ZNF835: variants seen among roughly 807,000 people sequenced by gnomAD.
The protein encoded by ZNF835 is zinc finger protein 835.
For synonymous variants in ZNF835, 323 were observed against 324.7 expected (o/e 0.99, Z 0.06); for missense variants, 783 against 758.4 (o/e 1.03, Z -0.38).
chr19:56,662,073 T>C lies in ZNF835; in HGVS notation c.*1512A>G, dbSNP rs967229834. ...TCACCCTTCCCTGGGACCACATGCT[T>C]AGGAAGGCTCTTCCTGTGCTGATCC... On this transcript the variant is annotated 3_prime_UTR_variant, in exon 2 of 2. Coordinates refer to ENST00000537055, the MANE Select transcript of ZNF835 (RefSeq NM_001005850.3). 9.2e-5 allele frequency: 14 copies of C among 152,282 alleles called. No individual in the cohort carries two copies. The highest frequency in any genetic ancestry group is 3.4e-4 in the African/African-American group (14 of 41,546). 9.4% of individuals were successfully genotyped at this position (152,282 alleles called of 1,614,324 possible). A position where few individuals can be genotyped will look rare whatever the true frequency, so the allele number is the denominator to read the frequency against.
In ZNF835 at chr19:56,665,057, C is replaced by A. The variant is rs758149661; in HGVS notation, c.142G>T (p.Gly48Trp). 6.2e-7 allele frequency: 1 copy of A among 1,614,020 alleles called. No homozygotes were observed. The highest frequency in any genetic ancestry group is 1.1e-5 in the South Asian group (1 of 91,088). Reference sequence around the variant, plus strand: ...TCATCGCGTTCCTGCATGCTGTCCCCAGCAGGGTCTCCCTTGCAGGCCACG... The same window carrying A: ...TCATCGCGTTCCTGCATGCTGTCCCAAGCAGGGTCTCCCTTGCAGGCCACG... ...EAVACKGDPA[G>W]DSMQERDEFS... The change falls in exon 2 of 2, where the codon GGG (glycine) becomes TGG (tryptophan). Residue 48 changes from glycine to tryptophan, a missense_variant. Coordinates refer to ENST00000537055, the MANE Select transcript of ZNF835 (RefSeq NM_001005850.3).
At position 56,664,326 on chromosome 19, in the gene ZNF835, C is replaced by T. The variant is rs1324601217; in HGVS notation, c.873G>A (p.Ala291=). Residue 291 remains alanine (A), a synonymous_variant, in exon 2 of 2, where the codon GCG becomes GCA. Transcript: ENST00000537055. The part of the protein sequence containing the change: ...GQCAKAFAQI[A]HLTQHRRVHT... ...GCACGCGCCGGTGCTGGGTCAGGTG[C>T]GCGATCTGCGCGAAGGCCTTGGCGC... The T allele has an allele frequency of 1.9e-6, 3 of 1,604,328 alleles. No individual in the cohort carries two copies. The highest frequency in any genetic ancestry group is 3.4e-5 in the Admixed American group (2 of 58,050).
chr19:56,665,486 T>G lies in ZNF835; in HGVS notation c.-47-241A>C, dbSNP rs115289570. On this transcript the variant is annotated intron_variant, in intron 1 of 1. Transcript: ENST00000537055. ...ACACTACCCCTCAACCCCTGAGTTG[T>G]AACAATGAAAAATGTCTCCAGGCCG... The G allele has an allele frequency of 2.6e-3, 1,746 of 662,650 alleles. 29 individuals carry two copies. The African/African-American group carries it at 0.028, about 10-fold the overall frequency. The allele number at this position is 662,650 out of a possible 1,614,324, so 41.0% of individuals were successfully genotyped here.
intron 1 of ZNF835, among the ~76,000 whole-genome samples, chr19:56,667,552 C>T (rs1374012670): frequency 6.6e-6 from 1 of 152,236 alleles, no homozygotes; most frequent in African/African-American, 2.4e-5. Context: ...TATGTGTGGG[C>T]TCAGCCCCTC....
chr19:56,665,064 G>A lies in ZNF835; in HGVS notation c.135C>T (p.Asp45=), dbSNP rs1328224653. 1.2e-6 allele frequency: 2 copies of A among 1,613,872 alleles called. No individual in the cohort carries two copies. Among genetic ancestry groups the A allele is most frequent in the Non-Finnish European group, 1.7e-6 (2 of 1,179,902 alleles). The change falls in exon 2 of 2, where the codon GAC becomes GAT. Residue 45 remains aspartate (D), a synonymous_variant. Coordinates refer to ENST00000537055, the MANE Select transcript of ZNF835 (RefSeq NM_001005850.3). ...PEPEAVACKG[D]PAGDSMQERD... is the part of the protein sequence containing the mutation. ...GTTCCTGCATGCTGTCCCCAGCAGG[G>A]TCTCCCTTGCAGGCCACGGCCTCTG...
chr19:56,663,288 T>C lies in ZNF835; in HGVS notation c.*297A>G. The stretch of plus-strand genomic sequence containing the variant: ...GAGCCGAGATCGCTCCACTGCACTC[T>C]AGCCTGGGTGACAGAGAGAGACACT... On this transcript the variant is annotated 3_prime_UTR_variant, in exon 2 of 2. Coordinates refer to ENST00000537055, the MANE Select transcript of ZNF835 (RefSeq NM_001005850.3). 1 of 447,060 alleles carries C rather than the reference T, an allele frequency of 2.2e-6. No homozygotes were observed. Among genetic ancestry groups the C allele is most frequent in the Non-Finnish European group, 4.0e-6 (1 of 247,258 alleles). 27.7% of individuals were successfully genotyped at this position (447,060 alleles called of 1,614,324 possible). A position where few individuals can be genotyped will look rare whatever the true frequency, so the allele number is the denominator to read the frequency against.
At position 56,663,682 on chromosome 19, in the gene ZNF835, G is replaced by C; in HGVS notation, c.1517C>G (p.Ala506Gly). Residue 506 changes from alanine (A) to glycine (G), a missense_variant, in exon 2 of 2, where the codon GCT becomes GGT. By Grantham distance (60) the Ala-to-Gly change is moderately conservative. Transcript: ENST00000537055. ...HADSSGRLCPAPTPDSTPGLS... is the reference protein window; with the variant it reads ...HADSSGRLCPGPTPDSTPGLS... ...CCCAGGTGTTGAGTCAGGCGTGGGA[G>C]CTGGGCAAAGGCGTCCCGAACTGTC... The C allele has an allele frequency of 6.2e-7, 1 of 1,614,054 alleles. No homozygotes were observed.
In ZNF835 at chr19:56,664,719, G is replaced by C; in HGVS notation, c.480C>G (p.His160Gln). Residue 160 changes from histidine to glutamine, a missense_variant, in exon 2 of 2, where the codon CAC (histidine) becomes CAG (glutamine). By Grantham distance (24) the His-to-Gln change is conservative. Coordinates refer to ENST00000537055, the MANE Select transcript of ZNF835 (RefSeq NM_001005850.3). ...GGCAGGCGTAGGGCTTCTCGCCCGT[G>C]TGCGTGCGCTGGTGCAGGGTCAGGT... ...SVHLTLHQRT[H>Q]TGEKPYACHE... The C allele has an allele frequency of 6.2e-7, 1 of 1,611,596 alleles. No individual in the cohort carries two copies.
At position 56,662,096 on chromosome 19, in the gene ZNF835, TC is replaced by T. The variant is rs2045191726; in HGVS notation, c.*1488del. On this transcript the variant is annotated 3_prime_UTR_variant, in exon 2 of 2. Transcript: ENST00000537055. ...CTTAGGAAGGCTCTTCCTGTGCTGA[TC>T]CTAGGCTTGGCTAGGAGGCTTGCTT... 6.6e-6 allele frequency: 1 copy of T among 152,210 alleles called. No homozygotes were observed. Among genetic ancestry groups the T allele is most frequent in the Non-Finnish European group, 1.5e-5 (1 of 68,040 alleles). 9.4% of individuals were successfully genotyped at this position (152,210 alleles called of 1,614,324 possible). A position where few individuals can be genotyped will look rare whatever the true frequency, so the allele number is the denominator to read the frequency against.
chr19:56,664,505 G>C lies in ZNF835; in HGVS notation c.694C>G (p.Arg232Gly), dbSNP rs1178083297. ...TGCTCTATCAGGGACGAGCGGTTGC[G>C]GAACGCCTTGGCGCACTGGGCGCAC... The part of the protein sequence containing the change: ...YACAQCAKAF[R>G]NRSSLIEHQR... Residue 232 changes from arginine (R) to glycine (G), a missense_variant, in exon 2 of 2, where the codon CGC becomes GGC. Arg to Gly is a moderately radical substitution (Grantham distance 125, BLOSUM62 -2). Transcript: ENST00000537055. The C allele has an allele frequency of 1.3e-5, 20 of 1,549,044 alleles. No homozygotes were observed. Among genetic ancestry groups the C allele is most frequent in the Non-Finnish European group, 1.7e-5 (20 of 1,149,170 alleles).
In ZNF835 at chr19:56,663,928, C is replaced by T. The variant is rs780578325; in HGVS notation, c.1271G>A (p.Gly424Asp). ...CGAGGAGCCCTGGCTGAAAGCTTTGCCGCACTCGCCGCACTTGTAGGGCCG... is the reference window on the plus strand; with the variant it reads ...CGAGGAGCCCTGGCTGAAAGCTTTGTCGCACTCGCCGCACTTGTAGGGCCG... ...GERPYKCGEC[G>D]KAFSQGSSLA... Residue 424 changes from glycine to aspartate, a missense_variant, in exon 2 of 2, where the codon GGC (glycine) becomes GAC (aspartate). Coordinates refer to ENST00000537055, the MANE Select transcript of ZNF835 (RefSeq NM_001005850.3). The T allele has an allele frequency of 1.2e-6, 2 of 1,608,070 alleles. No individual in the cohort carries two copies. The highest frequency in any genetic ancestry group is 1.1e-5 in the South Asian group (1 of 90,784).
At chr19:56,670,568 G>A (rs189737841) in intron 1 of ZNF835, among the ~76,000 whole-genome samples, 11 of 152,258 alleles carry the variant, frequency 7.2e-5, no homozygotes, top group Admixed American at 5.9e-4. Flanking sequence ...CTCCCTGTGT[G>A]AAGAGGTGCA....
chr19:56,663,845 C>G lies in ZNF835; in HGVS notation c.1354G>C (p.Gly452Arg). 1 of 1,613,682 alleles carries G rather than the reference C, an allele frequency of 6.2e-7. No individual in the cohort carries two copies. The highest frequency in any genetic ancestry group is 8.5e-7 in the Non-Finnish European group (1 of 1,179,918). The change falls in exon 2 of 2, where the codon GGC becomes CGC. Residue 452 changes from glycine to arginine, a missense_variant. Transcript: ENST00000537055. ...GERPYTCPEC[G>R]KAFSNRSYLI... ...TAGGAGCGGTTGCTGAAGGCCTTGC[C>G]GCACTCGGGGCAGGTGTAGGGCCGC... is the stretch of plus-strand genomic sequence containing the variant.
In ZNF835 at chr19:56,664,567, T is replaced by TG. The variant is rs768822903; in HGVS notation, c.631dup (p.Gln211ProfsTer37). 1.9e-6 allele frequency: 3 copies of TG among 1,606,700 alleles called. No homozygotes were observed. Among genetic ancestry groups the TG allele is most frequent in the Non-Finnish European group, 2.6e-6 (3 of 1,176,242 alleles). On this transcript the variant is annotated frameshift_variant, in exon 2 of 2. Transcript: ENST00000537055. LOFTEE classifies it low-confidence loss of function (END_TRUNC). ...CTCGCCCGTGTGCACGCGCCGGTGC[T>TG]GGGTCAGGTGCGTGACGCGCGTGAA...
chr19:56,670,228 G>T (rs1287376626), intron 1 of ZNF835, among the ~76,000 whole-genome samples: 1 of 152,124 alleles, frequency 6.6e-6, no homozygotes, highest in Admixed American at 6.5e-5. Flanking sequence ...TTCTACCCCT[G>T]TCACTCAGGA....
intron 1 of ZNF835, among the ~76,000 whole-genome samples, chr19:56,668,930 C>A (rs780238942): frequency 1.3e-5 from 2 of 151,694 alleles, no homozygotes; most frequent in Non-Finnish European, 2.9e-5. Context: ...GGGTTCACAG[C>A]GGGGTTGGGT....
rs1470370534 is a variant in ZNF835, at chr19:56,664,879, T to C, written c.320A>G (p.Lys107Arg). Reference protein sequence around the residue: ...SRQRERGGGPKKPWKCGDCGK... With the variant: ...SRQRERGGGPRKPWKCGDCGK... ...GCAGTCCCCGCATTTCCACGGCTTC[T>C]TGGGGCCTCCACCTCTCTCCCGCTG... is the stretch of plus-strand genomic sequence containing the variant. Residue 107 changes from lysine to arginine, a missense_variant, in exon 2 of 2, where the codon AAG becomes AGG. Coordinates refer to ENST00000537055, the MANE Select transcript of ZNF835 (RefSeq NM_001005850.3). 1.9e-6 allele frequency: 3 copies of C among 1,613,866 alleles called. No homozygotes were observed. The highest frequency in any genetic ancestry group is 1.1e-5 in the South Asian group (1 of 91,064).
chr19:56,666,157 C>T (rs4327158), intron 1 of ZNF835, among the ~76,000 whole-genome samples: 8,238 of 152,150 alleles, frequency 0.054, 457 homozygotes, highest in African/African-American at 0.14. Flanking sequence ...CTCTGTTGCC[C>T]AGGCTGGAGC....
chr19:56,668,646 AG>A (rs553128158), intron 1 of ZNF835, among the ~76,000 whole-genome samples: 342 of 152,230 alleles, frequency 2.2e-3, no homozygotes, highest in African/African-American at 7.5e-3. Flanking sequence ...GTTTGTGTTC[AG>A]GGTGGAGAAC....
Sources: allele counts gnomAD v4.1 joint callset (sites outside exome capture counted in the v4.1 genomes callset), GRCh38; gene constraint gnomAD v4.1.1; transcripts MANE v1.5; gene names NCBI Gene and HGNC (gene_info 2026-07-23, HGNC 2026-07-21).